The following KCNQ1 variants were observed in gnomAD, a reference collection of about 807,000 sequenced individuals.
KCNQ1 encodes potassium voltage-gated channel subfamily KQT member 1.
A neutral mutation model predicts 72.4 loss-of-function variants in KCNQ1; 49 were observed. That is an observed-to-expected ratio of 0.68 (90% confidence interval 0.54 to 0.86). KCNQ1 has a LOEUF of 0.86. Among genes scored for constraint, KCNQ1 ranks in the 40% least tolerant of loss-of-function variants. The pLI is 0.00. For synonymous variants in KCNQ1, 450 were observed against 412.6 expected, an observed-to-expected ratio of 1.09 and a Z score of -1.10; for missense variants, 790 against 945.1, an observed-to-expected ratio of 0.84 and a Z score of 2.15.
chr11:2,644,493 C>G, intron 10 of KCNQ1: 1 of 398,164 alleles, frequency 2.5e-6, no homozygotes, highest in Non-Finnish European at 4.4e-6. Flanking sequence ...TTTCTGATTT[C>G]TTTGTATAGT....
intron 15 of KCNQ1, among the ~76,000 whole-genome samples, chr11:2,793,950 TGAG>T (rs1169275664): frequency 6.6e-6 from 1 of 151,758 alleles, no homozygotes; most frequent in East Asian, 1.9e-4. Flanking sequence ...CAGGAGTGAG[TGAG>T]GAGGAGGAGG....
In KCNQ1 at chr11:2,674,817, C is replaced by T. The variant is rs1335881238; in HGVS notation, c.1514+12736C>T. On this transcript the variant is annotated intron_variant, in intron 11 of 15. Transcript: ENST00000155840. The surrounding 1 kb of genome is among the most constrained non-coding windows in gnomAD (Gnocchi z 5.9). ...CTGGCCTTTGGAAAGGCTTGTCACC[C>T]TAATAGCTGTTTTTTAAAAAAAAAA... The T allele has an allele frequency of 2.6e-6, 1 of 383,080 alleles. No homozygotes were observed. The highest frequency in any genetic ancestry group is 2.3e-5 in the African/African-American group (1 of 42,690). 23.7% of individuals were successfully genotyped at this position (383,080 alleles called of 1,614,324 possible).
At chr11:2,618,913 T>A (rs185009170) in intron 10 of KCNQ1, 52 of 398,370 alleles carry the variant, frequency 1.3e-4, no homozygotes, top group Non-Finnish European at 4.0e-5. Context: ...CTAAATTTAT[T>A]CCTAAGCAAT....
At chr11:2,528,674 G>T (rs995845674) in intron 2 of KCNQ1, among the ~76,000 whole-genome samples, 17 of 152,258 alleles carry the variant, frequency 1.1e-4, no homozygotes, top group Non-Finnish European at 2.1e-4. Flanking sequence ...ACTCTGGCAG[G>T]ACTGGGTCTA....
chr11:2,757,679 G>A (rs1846326229), intron 11 of KCNQ1, among the ~76,000 whole-genome samples: 2 of 152,190 alleles, frequency 1.3e-5, no homozygotes, highest in African/African-American at 4.8e-5. Context: ...TATACAGTAA[G>A]GAATCAATAT....
At chr11:2,553,472 A>G (rs986361068) in intron 2 of KCNQ1, among the ~76,000 whole-genome samples, 5 of 152,026 alleles carry the variant, frequency 3.3e-5, no homozygotes, top group African/African-American at 1.2e-4. Flanking sequence ...AGAGTGCGTC[A>G]AGAATGGCTG....
intron 11 of KCNQ1, chr11:2,692,137 G>T: frequency 2.5e-6 from 1 of 398,520 alleles, no homozygotes; most frequent in Non-Finnish European, 4.4e-6. Context: ...TCTACTGAAG[G>T]CCCCTGTCCT....
rs1466654088 is a variant in KCNQ1 at position 2,621,129 on chromosome 11, C to T, written c.1393+32275C>T. 2.5e-6 allele frequency: 1 copy of T among 397,252 alleles called. No homozygotes were observed. The highest frequency in any genetic ancestry group is 4.4e-6 in the Non-Finnish European group (1 of 225,828). 24.6% of individuals were successfully genotyped at this position (397,252 alleles called of 1,614,324 possible). On this transcript the variant is annotated intron_variant, in intron 10 of 15. Coordinates refer to ENST00000155840, the MANE Select transcript of KCNQ1 (RefSeq NM_000218.3). This position sits in a 1 kb window ranked among gnomAD's most constrained non-coding sequence, Gnocchi z 5.7. The stretch of plus-strand genomic sequence containing the variant: ...AGTAGCTGGGATTACAGGTGACCGC[C>T]ACCATACCTGGCTAATTTTTGTGTT...
rs1329472958 is a variant in KCNQ1, at chr11:2,463,754, G to T, written c.386+18270G>T. 2.6e-5 allele frequency among the ~76,000 whole-genome samples: 4 copies of T among 152,244 alleles called. No individual in the cohort carries two copies. The South Asian group carries it at 6.2e-4, about 24-fold the overall frequency. On this transcript the variant is annotated intron_variant, in intron 1 of 15. Coordinates refer to ENST00000155840, the MANE Select transcript of KCNQ1 (RefSeq NM_000218.3). The surrounding 1 kb of genome is among the most constrained non-coding windows in gnomAD (Gnocchi z 7.0). ...GTGCAACTCGAGTTTCAGAGTGGCG[G>T]CCTCTGCTCCTCACAAGACATTGCC... is the stretch of plus-strand genomic sequence containing the variant.
chr11:2,676,651 C>G lies in KCNQ1; in HGVS notation c.1514+14570C>G. 1.0e-5 allele frequency: 4 copies of G among 398,662 alleles called. No individual in the cohort carries two copies. The highest frequency in any genetic ancestry group is 1.8e-5 in the Non-Finnish European group (4 of 226,084). 24.7% of individuals were successfully genotyped at this position (398,662 alleles called of 1,614,324 possible). A position where few individuals can be genotyped will look rare whatever the true frequency, so the allele number is the denominator to read the frequency against. On this transcript the variant is annotated intron_variant, in intron 11 of 15. Coordinates refer to ENST00000155840, the MANE Select transcript of KCNQ1 (RefSeq NM_000218.3). The surrounding 1 kb of genome is among the most constrained non-coding windows in gnomAD (Gnocchi z 4.2). Reference sequence around the variant, plus strand: ...TTCACAGATTCACAGATAGATAGTTCATTAAGGTCTTGAGTATTTCCAAGG... The same window carrying G: ...TTCACAGATTCACAGATAGATAGTTGATTAAGGTCTTGAGTATTTCCAAGG...
At chr11:2,643,655 T>G (rs904048190) in intron 10 of KCNQ1, 3 of 398,424 alleles carry the variant, frequency 7.5e-6, no homozygotes, top group Non-Finnish European at 1.3e-5. Flanking sequence ...TGCAAGGTTA[T>G]TGTTGATATG....
chr11:2,729,259 T>C (rs1281764864), intron 11 of KCNQ1, among the ~76,000 whole-genome samples: 2 of 152,256 alleles, frequency 1.3e-5, no homozygotes, highest in East Asian at 3.8e-4. Flanking sequence ...TGCTGCGGGC[T>C]CGAGTGACTG....
At position 2,768,702 on chromosome 11, in the gene KCNQ1, G is replaced by A. The variant is rs938851058; in HGVS notation, c.1515-142G>A. ...GAGCCCACACTGGGACATGGCCTAA[G>A]TATCTCCATCCCATGGAGTTGAACA... On this transcript the variant is annotated intron_variant, in intron 11 of 15. Transcript: ENST00000155840. This position sits in a 1 kb window ranked among gnomAD's most constrained non-coding sequence, Gnocchi z 6.7. The A allele has an allele frequency of 6.5e-5, 48 of 733,692 alleles. No homozygotes were observed. The South Asian group carries it at 7.1e-4, about 11-fold the overall frequency. 45.4% of individuals were successfully genotyped at this position (733,692 alleles called of 1,614,324 possible).
intron 11 of KCNQ1, among the ~76,000 whole-genome samples, chr11:2,717,390 C>CA: frequency 6.6e-6 from 1 of 152,330 alleles, no homozygotes; most frequent in East Asian, 1.9e-4. Flanking sequence ...CAATGTTCCC[C>CA]AAAATCTACA....
chr11:2,635,307 G>C (rs1849444842), intron 10 of KCNQ1: 1 of 152,050 alleles, frequency 6.6e-6, no homozygotes, highest in African/African-American at 2.4e-5. Context: ...GGGTTTTTAC[G>C]GTTTTAGGTC....
chr11:2,784,678 AT>A lies in KCNQ1; in HGVS notation c.1794+6644del, dbSNP rs1846880834. Among the ~76,000 whole-genome samples, 1 of 151,902 alleles carries A rather than the reference AT, an allele frequency of 6.6e-6. No individual in the cohort carries two copies. Among genetic ancestry groups the A allele is most frequent in the East Asian group, 1.9e-4 (1 of 5,198 alleles). ...ATCAATGAACATGGTATATCCCTCC[AT>A]TTATTTGATCTACTTTAATTTCTTT... On this transcript the variant is annotated intron_variant, in intron 15 of 15. Transcript: ENST00000155840. This position sits in a 1 kb window ranked among gnomAD's most constrained non-coding sequence, Gnocchi z 4.7.
intron 11 of KCNQ1, among the ~76,000 whole-genome samples, chr11:2,736,693 A>T (rs761428565): frequency 7.2e-5 from 11 of 152,046 alleles, no homozygotes; most frequent in Non-Finnish European, 1.6e-4. Context: ...CGCCACTGAC[A>T]TAGGTGTGGC....
Position 2,677,234 on chromosome 11 carries a change from A to C in KCNQ1, c.1514+15153A>C, listed in dbSNP as rs2133875890. On this transcript the variant is annotated intron_variant, in intron 11 of 15. Transcript: ENST00000155840. The surrounding 1 kb of genome is among the most constrained non-coding windows in gnomAD (Gnocchi z 4.5). ...CTCTTGTCAACCAAAGACAATATAA[A>C]GCACACACAAAGTAAAGAGGAACTT... 2 of 398,632 alleles carry C rather than the reference A, an allele frequency of 5.0e-6. No individual in the cohort carries two copies. The highest frequency in any genetic ancestry group is 7.1e-5 in the East Asian group (2 of 28,076). The allele number at this position is 398,632 out of a possible 1,614,324, so 24.7% of individuals were successfully genotyped here. A position where few individuals can be genotyped will look rare whatever the true frequency, so the allele number is the denominator to read the frequency against.
Position 2,670,650 on chromosome 11 carries a change from C to A in KCNQ1, c.1514+8569C>A, listed in dbSNP as rs1850166809. On this transcript the variant is annotated intron_variant, in intron 11 of 15. Transcript: ENST00000155840. This position sits in a 1 kb window ranked among gnomAD's most constrained non-coding sequence, Gnocchi z 4.9. Reference sequence around the variant, plus strand: ...TATGCATGGCAGAGGCCAGGATGAACCCTGAAGATTGGTAGGAAGGCAGTG... The same window carrying A: ...TATGCATGGCAGAGGCCAGGATGAAACCTGAAGATTGGTAGGAAGGCAGTG... 3 of 398,418 alleles carry A rather than the reference C, an allele frequency of 7.5e-6. No homozygotes were observed. The highest frequency in any genetic ancestry group is 4.4e-5 in the Admixed American group (1 of 22,684). The allele number at this position is 398,418 out of a possible 1,614,324, so 24.7% of individuals were successfully genotyped here.
Sources: gnomAD v4.1 joint callset for allele counts (sites outside exome capture counted in the v4.1 genomes callset) on GRCh38, gnomAD v4.1.1 for gene constraint, Gnocchi (gnomAD v3.1) non-coding constraint, MANE v1.5 for transcripts, NCBI Gene and HGNC (gene_info 2026-07-23, HGNC 2026-07-21) for gene names.